DNAH6: variants seen among roughly 807,000 people sequenced by gnomAD.
DNAH6 encodes the protein dynein axonemal heavy chain 6, also known as axonemal beta dynein heavy chain 6.
In DNAH6, 340 loss-of-function variants were observed where a neutral mutation model predicts 491.4. The ratio of observed to expected loss-of-function variants is 0.69; its 90% CI spans 0.63 to 0.76. The LOEUF is 0.76. Among genes scored for constraint, DNAH6 ranks in the 30% least tolerant of loss-of-function variants. The pLI, the probability that DNAH6 is intolerant of heterozygous loss-of-function variation, is 0.00. For synonymous variants in DNAH6, 1,603 were observed against 1,686.1 expected, an observed-to-expected ratio of 0.95 and a Z score of 1.21; for missense variants, 4,443 against 4,972.2, an observed-to-expected ratio of 0.89 and a Z score of 3.20.
chr2:84,530,767 G>A (rs1053847096), intron 4 of DNAH6, among the ~76,000 whole-genome samples: 3 of 152,134 alleles, frequency 2.0e-5, no homozygotes, highest in Non-Finnish European at 2.9e-5. Flanking sequence ...TGAAGCCAAC[G>A]GAATGTCTTT....
rs1035468811 is a variant in DNAH6 at position 84,594,182 on chromosome 2, T to C, written c.2724+97T>C. 1.5e-5 allele frequency: 11 copies of C among 711,512 alleles called. No individual in the cohort carries two copies. The African/African-American group carries it at 2.0e-4, about 13-fold the overall frequency. The allele number at this position is 711,512 out of a possible 1,614,324, so 44.1% of individuals were successfully genotyped here. ...TTATAACTTTTAACAATCTGGTGCT[T>C]TTCTTAATGTCAGTAAAATATGCAA... On this transcript the variant is annotated intron_variant, in intron 17 of 76. Transcript: ENST00000389394.
At chr2:84,545,010 T>C (rs969383732) in intron 5 of DNAH6, among the ~76,000 whole-genome samples, 1 of 152,168 alleles carries the variant, frequency 6.6e-6, no homozygotes, top group African/African-American at 2.4e-5. Context: ...AAAACAAAAC[T>C]GTGAAAAAGT....
At chr2:84,614,160 CT>C (rs1168945330) in intron 22 of DNAH6, among the ~76,000 whole-genome samples, 1 of 151,898 alleles carries the variant, frequency 6.6e-6, no homozygotes, top group African/African-American at 2.4e-5. Flanking sequence ...AATGCGTAGT[CT>C]TTTATCTTTT....
At chr2:84,708,276 A>G (rs1216009200) in intron 54 of DNAH6, among the ~76,000 whole-genome samples, 1 of 133,532 alleles carries the variant, frequency 7.5e-6, no homozygotes, top group East Asian at 2.0e-4. Context: ...CGTCTCTACT[A>G]AAAAAAAAAA....
At chr2:84,707,041 C>T in intron 53 of DNAH6, 22 bp downstream of exon 53, 2 of 1,499,192 alleles carry the variant, frequency 1.3e-6, no homozygotes, top group Non-Finnish European at 1.8e-6. Context: ...ATAAAATTTA[C>T]ATTGGCCAGG....
At chr2:84,460,130 T>C in the DNAH6 span, 1 of 152,318 alleles carries the variant, frequency 6.6e-6, no homozygotes, top group East Asian at 1.9e-4. Flanking sequence ...CCGAAAATCG[T>C]GCTCCTGAGA....
intron 66 of DNAH6, among the ~76,000 whole-genome samples, chr2:84,785,139 A>G (rs1226864599): frequency 1.3e-5 from 2 of 152,186 alleles, no homozygotes; most frequent in East Asian, 3.9e-4. Flanking sequence ...CCTACAAGCC[A>G]TACTAGTATG....
chr2:84,580,021 A>C (rs1489026029), intron 14 of DNAH6, among the ~76,000 whole-genome samples: 1 of 152,250 alleles, frequency 6.6e-6, no homozygotes, highest in Non-Finnish European at 1.5e-5. Context: ...TGGATGTGAT[A>C]GAGTTAGAAT....
intron 70 of DNAH6, among the ~76,000 whole-genome samples, chr2:84,803,122 C>T (rs761790119): frequency 4.6e-5 from 7 of 152,040 alleles, no homozygotes; most frequent in Non-Finnish European, 8.8e-5. Context: ...AATAGAAAGA[C>T]CTCAAATTAA....
intron 15 of DNAH6, chr2:84,584,499 G>A (rs1314763337): frequency 2.5e-6 from 1 of 404,490 alleles, no homozygotes; most frequent in Non-Finnish European, 4.5e-6. Flanking sequence ...ACATTTAACT[G>A]ATGTAGCTTT....
At chr2:84,817,970 C>G (rs1368821218) in intron 76 of DNAH6, among the ~76,000 whole-genome samples, 1 of 152,158 alleles carries the variant, frequency 6.6e-6, no homozygotes, top group Non-Finnish European at 1.5e-5. Context: ...AGCCCCATCT[C>G]CAACATTGGG....
At chr2:84,628,225 G>A (rs573152583) in intron 29 of DNAH6, among the ~76,000 whole-genome samples, 30 of 152,278 alleles carry the variant, frequency 2.0e-4, no homozygotes, top group African/African-American at 7.2e-4. Context: ...CAGAGAAAGA[G>A]GAATGGTATC....
At chr2:84,515,745 G>C (rs903563858), upstream of DNAH6, among the ~76,000 whole-genome samples, 1 of 152,194 alleles carries the variant, frequency 6.6e-6, no homozygotes, top group Non-Finnish European at 1.5e-5. Flanking sequence ...AAGGCATCCC[G>C]AGTAAGCAAC....
At chr2:84,541,219 G>C (rs1678210130) in intron 4 of DNAH6, among the ~76,000 whole-genome samples, 1 of 152,138 alleles carries the variant, frequency 6.6e-6, no homozygotes, top group Non-Finnish European at 1.5e-5. Context: ...AGAGCATTTA[G>C]AGCAAAACAC....
At chr2:84,681,637 A>C in intron 42 of DNAH6, 109 bp downstream of exon 42, 1 of 944,430 alleles carries the variant, frequency 1.1e-6, no homozygotes, top group Non-Finnish European at 1.5e-6. Context: ...ACTCACCCAG[A>C]AATCCCATCA....
chr2:84,644,282 A>T (rs1030904179), intron 33 of DNAH6, among the ~76,000 whole-genome samples: 1 of 152,150 alleles, frequency 6.6e-6, no homozygotes, highest in Non-Finnish European at 1.5e-5. Context: ...ACAAAACTCT[A>T]GCAGGTTAGG....
In DNAH6 at chr2:84,693,542, G is replaced by A. The variant is rs552200796; in HGVS notation, c.7293-707G>A. Among the ~76,000 whole-genome samples, 14 of 152,076 alleles carry A rather than the reference G, an allele frequency of 9.2e-5. No homozygotes were observed. In the Middle Eastern group the frequency reaches 0.014, roughly 148 times the overall value. On this transcript the variant is annotated intron_variant, in intron 45 of 76. Coordinates refer to ENST00000389394, the MANE Select transcript of DNAH6 (RefSeq NM_001370.2). ...GCGAATCATGAGATCAGGAGATCGA[G>A]ACCATCCTGGCTAAGACGGTGAAAC...
rs200205691 is a variant in DNAH6, at chr2:84,703,570, G to A, written c.8229+8G>A. ...CAAGAAAGTGCCGATCAGGTATGCT[G>A]CAGTTCCTGAGAATGTGGAAAAGGC... On this transcript the variant is annotated splice_region_variant and intron_variant, in intron 50 of 76. Coordinates refer to ENST00000389394, the MANE Select transcript of DNAH6 (RefSeq NM_001370.2). 3.7e-4 allele frequency: 574 copies of A among 1,541,672 alleles called. 2 individuals carry two copies. Among genetic ancestry groups the A allele is most frequent in the Middle Eastern group, 1.2e-3 (7 of 5,924 alleles).
chr2:84,681,701 C>T (rs751607213), intron 42 of DNAH6, among the ~76,000 whole-genome samples, 173 bp downstream of exon 42: 1 of 151,838 alleles, frequency 6.6e-6, no homozygotes, highest in African/African-American at 2.4e-5. Context: ...GCCAACACTG[C>T]CTCCCATTTC....
Sources: gnomAD v4.1 joint callset for allele counts (sites outside exome capture counted in the v4.1 genomes callset) on GRCh38, gnomAD v4.1.1 for gene constraint, MANE v1.5 for transcripts, NCBI Gene and HGNC (gene_info 2026-07-23, HGNC 2026-07-21) for gene names.